The following ZBTB20 variants were observed in gnomAD, a reference collection of about 807,000 sequenced individuals.
ZBTB20 encodes the protein zinc finger and BTB domain-containing protein 20.
ZBTB20 carries 9 observed loss-of-function variants against 56.9 expected under a neutral mutation model. That is an observed-to-expected ratio of 0.16 (90% confidence interval 0.10 to 0.28). The LOEUF (loss-of-function observed/expected upper bound fraction) is 0.28, where lower values mean the gene tolerates loss of function less well. ZBTB20 is among the 10% of genes least tolerant of loss of function. The pLI, the probability that ZBTB20 is intolerant of heterozygous loss-of-function variation, is 1.00. For synonymous variants in ZBTB20, 417 were observed against 420.7 expected, an observed-to-expected ratio of 0.99 and a Z score of 0.11; for missense variants, 655 against 1,003.0, an observed-to-expected ratio of 0.65 and a Z score of 4.69.
chr3:114,744,350 C>T (rs1040947105), intron 5 of ZBTB20, among the ~76,000 whole-genome samples: 2 of 152,222 alleles, frequency 1.3e-5, no homozygotes, highest in South Asian at 2.1e-4. Context: ...TAAATAAAAG[C>T]GCTTATCTAG....
At chr3:114,911,285 C>A (rs2075526836) in intron 3 of ZBTB20, among the ~76,000 whole-genome samples, 2 of 151,916 alleles carry the variant, frequency 1.3e-5, no homozygotes, top group African/African-American at 2.4e-5. Flanking sequence ...ATAGCTCCAA[C>A]ATCCTGTATC....
intron 6 of ZBTB20, among the ~76,000 whole-genome samples, chr3:114,566,303 TCA>T (rs1208919757): frequency 6.6e-6 from 1 of 152,156 alleles, no homozygotes; most frequent in Non-Finnish European, 1.5e-5. Flanking sequence ...CGAGTTTCCC[TCA>T]CAGTGCGGTA....
chr3:114,919,564 G>A (rs1277783193), intron 3 of ZBTB20, among the ~76,000 whole-genome samples: 2 of 152,022 alleles, frequency 1.3e-5, no homozygotes, highest in East Asian at 1.9e-4. Context: ...AATTAGCCGG[G>A]TGCGGTGGCA....
intron 1 of ZBTB20, among the ~76,000 whole-genome samples, chr3:115,090,948 C>T (rs1411568000): frequency 2.0e-5 from 3 of 151,810 alleles, no homozygotes; most frequent in Non-Finnish European, 4.4e-5. Flanking sequence ...TTTTTAAGTG[C>T]TATGAATCAA....
chr3:114,566,769 A>T (rs546661196), intron 6 of ZBTB20, among the ~76,000 whole-genome samples: 4 of 152,302 alleles, frequency 2.6e-5, no homozygotes, highest in African/African-American at 4.8e-5. Context: ...AGCCTTTGAG[A>T]TGCAAAATGT....
intron 11 of ZBTB20, among the ~76,000 whole-genome samples, chr3:114,341,952 A>C (rs1434774863): frequency 6.6e-6 from 1 of 152,242 alleles, no homozygotes; most frequent in Non-Finnish European, 1.5e-5. Flanking sequence ...AAGACAAAGT[A>C]TCCTGTTCCC....
chr3:114,959,403 T>C (rs1428632749), intron 3 of ZBTB20, among the ~76,000 whole-genome samples: 4 of 152,066 alleles, frequency 2.6e-5, no homozygotes, highest in Non-Finnish European at 1.5e-5. Context: ...CATAGTGGAA[T>C]GTCTAAGGGG....
chr3:114,777,568 T>C (rs1311812439), intron 5 of ZBTB20, among the ~76,000 whole-genome samples: 1 of 152,102 alleles, frequency 6.6e-6, no homozygotes, highest in Non-Finnish European at 1.5e-5. Context: ...CCAGTTAGAA[T>C]GGCGATCATT....
At chr3:114,443,683 T>C (rs1164659084) in intron 7 of ZBTB20, among the ~76,000 whole-genome samples, 2 of 152,098 alleles carry the variant, frequency 1.3e-5, no homozygotes, top group Non-Finnish European at 2.9e-5. Context: ...AGTATATAAA[T>C]GGGAAAGAAT....
At chr3:115,107,992 G>C (rs988089900) in intron 1 of ZBTB20, among the ~76,000 whole-genome samples, 3 of 152,134 alleles carry the variant, frequency 2.0e-5, no homozygotes, top group Non-Finnish European at 4.4e-5. Flanking sequence ...GTCGGCGGGT[G>C]GGGGGTGAGA....
At chr3:115,010,950 A>T (rs1318498264) in intron 2 of ZBTB20, among the ~76,000 whole-genome samples, 3 of 151,954 alleles carry the variant, frequency 2.0e-5, no homozygotes, top group Non-Finnish European at 4.4e-5. Context: ...AACAAAGAGA[A>T]TAAAGTAATT....
intron 4 of ZBTB20, among the ~76,000 whole-genome samples, chr3:114,859,425 G>C (rs1334033137): frequency 6.8e-6 from 1 of 147,206 alleles, no homozygotes; most frequent in Admixed American, 6.9e-5. Flanking sequence ...CTCTCCCTTA[G>C]TTTCTCTCTT....
intron 3 of ZBTB20, among the ~76,000 whole-genome samples, chr3:114,958,938 G>T (rs752425883): frequency 5.3e-5 from 8 of 151,946 alleles, no homozygotes; most frequent in Non-Finnish European, 1.0e-4. Flanking sequence ...AAATTACCCA[G>T]AAGTGATAAC....
At chr3:115,128,584 AAC>A (rs2084403151) in intron 1 of ZBTB20, among the ~76,000 whole-genome samples, 1 of 151,804 alleles carries the variant, frequency 6.6e-6, no homozygotes, top group Non-Finnish European at 1.5e-5. Flanking sequence ...GAATCGCTTG[AAC>A]CCAGGAGGCG....
intron 7 of ZBTB20, among the ~76,000 whole-genome samples, chr3:114,468,616 A>T (rs755572633): frequency 4.4e-4 from 67 of 152,170 alleles, no homozygotes; most frequent in Non-Finnish European, 7.2e-4. Flanking sequence ...ATAAAATACA[A>T]TTTAAACAAT....
At chr3:114,865,783 A>G (rs76686688) in intron 4 of ZBTB20, among the ~76,000 whole-genome samples, 4,392 of 152,300 alleles carry the variant, frequency 0.029, 145 homozygotes, top group African/African-American at 0.074. Flanking sequence ...CTTAAATTAT[A>G]TCATTTAAAA....
chr3:114,533,879 A>T (rs1212591184), intron 6 of ZBTB20, among the ~76,000 whole-genome samples: 1 of 152,226 alleles, frequency 6.6e-6, no homozygotes, highest in African/African-American at 2.4e-5. Flanking sequence ...TTTCATATCC[A>T]GCCAAACTAA....
At chr3:114,683,340 T>C (rs1163780333) in intron 6 of ZBTB20, among the ~76,000 whole-genome samples, 3 of 152,154 alleles carry the variant, frequency 2.0e-5, no homozygotes, top group South Asian at 2.1e-4. Flanking sequence ...TGGAGTCTTA[T>C]TAATCTGTCT....
At chr3:115,041,105 T>G (rs1412761702) in intron 2 of ZBTB20, among the ~76,000 whole-genome samples, 1 of 152,150 alleles carries the variant, frequency 6.6e-6, no homozygotes, top group East Asian at 1.9e-4. Flanking sequence ...ATAAAAATAT[T>G]TGGATAAAAT....
Sources: gnomAD v4.1 joint callset for allele counts (sites outside exome capture counted in the v4.1 genomes callset) on GRCh38, gnomAD v4.1.1 for gene constraint, MANE v1.5 for transcripts, NCBI Gene and HGNC (gene_info 2026-07-23, HGNC 2026-07-21) for gene names.